FBXW8: variants seen among roughly 807,000 people sequenced by gnomAD.
FBXW8 encodes F-box/WD repeat-containing protein 8.
A neutral mutation model predicts 65.3 loss-of-function variants in FBXW8; 57 were observed. That is an observed-to-expected ratio of 0.87 (90% CI 0.71 to 1.09). The LOEUF is 1.09. Ranked by LOEUF, FBXW8 falls within the 50% of genes least tolerant of loss-of-function variation. The probability of loss-of-function intolerance (pLI) is 0.00; values close to 1 mark genes in which losing one functional copy is unlikely to be tolerated. For synonymous variants in FBXW8, 308 were observed against 330.2 expected, an observed-to-expected ratio of 0.93 and a Z score of 0.73; for missense variants, 777 against 814.8, an observed-to-expected ratio of 0.95 and a Z score of 0.57.
At chr12:116,927,892 C>G (rs1881450487) in intron 1 of FBXW8, 131 bp from the exon 2 acceptor site, 13 of 607,456 alleles carry the variant, frequency 2.1e-5, no homozygotes, top group Non-Finnish European at 2.9e-5. Flanking sequence ...ATGGATGCCT[C>G]CCTCCTGGGA....
At chr12:116,960,773 C>T (rs578148233) in intron 4 of FBXW8, among the ~76,000 whole-genome samples, 10 of 152,298 alleles carry the variant, frequency 6.6e-5, no homozygotes, top group Admixed American at 2.6e-4. Context: ...TATGGCACTG[C>T]GGTAGGGCCT....
intron 2 of FBXW8, among the ~76,000 whole-genome samples, chr12:116,942,746 G>A (rs985515417): frequency 7.6e-6 from 1 of 132,092 alleles, no homozygotes; most frequent in Non-Finnish European, 1.6e-5. Context: ...TTCAGTTCCT[G>A]TACTTTTTAA....
At chr12:116,949,735 C>G (rs1241448284) in intron 4 of FBXW8, 29 bp downstream of exon 4, 32 of 1,602,668 alleles carry the variant, frequency 2.0e-5, no homozygotes, top group Non-Finnish European at 2.7e-5. Flanking sequence ...ACTGAGTGCT[C>G]TGCATCTGAA....
At chr12:116,945,293 AT>A in intron 2 of FBXW8, 70 bp from the exon 3 acceptor site, 1 of 1,508,460 alleles carries the variant, frequency 6.6e-7, no homozygotes, top group Non-Finnish European at 9.0e-7. Context: ...ATAGGTGTTG[AT>A]TGATTTTTGG....
At chr12:117,000,015 G>T (rs921555120) in intron 7 of FBXW8, among the ~76,000 whole-genome samples, 1 of 131,694 alleles carries the variant, frequency 7.6e-6, no homozygotes, top group Non-Finnish European at 1.5e-5. Context: ...ACGGAGTCTC[G>T]CTGTCTCCCA....
chr12:116,939,685 C>T (rs945710513), intron 2 of FBXW8, among the ~76,000 whole-genome samples: 1 of 152,172 alleles, frequency 6.6e-6, no homozygotes, highest in Non-Finnish European at 1.5e-5. Flanking sequence ...AGTAAAGCTG[C>T]CCTGTGTTTC....
intron 7 of FBXW8, among the ~76,000 whole-genome samples, chr12:117,001,526 C>A (rs896778921): frequency 6.6e-6 from 1 of 152,128 alleles, no homozygotes; most frequent in Non-Finnish European, 1.5e-5. Flanking sequence ...CTCATGGTAA[C>A]CTTTTCATTT....
At chr12:116,913,630 T>C (rs1301183377) in intron 1 of FBXW8, among the ~76,000 whole-genome samples, 1 of 152,178 alleles carries the variant, frequency 6.6e-6, no homozygotes, top group Non-Finnish European at 1.5e-5. Flanking sequence ...CTGCTGCTGC[T>C]GCTACGAAGG....
chr12:117,028,378 C>G lies in FBXW8; in HGVS notation c.*206C>G. The G allele has an allele frequency of 3.2e-6, 2 of 630,250 alleles. No homozygotes were observed. Among genetic ancestry groups the G allele is most frequent in the East Asian group, 5.7e-5 (2 of 35,154 alleles). The allele number at this position is 630,250 out of a possible 1,614,324, so 39.0% of individuals were successfully genotyped here. A position where few individuals can be genotyped will look rare whatever the true frequency, so the allele number is the denominator to read the frequency against. Reference sequence around the variant, plus strand: ...GGCGTGTGCCAGGGCTCGAGTCCCACGTGCTGCCAACTCAAACATAGCCTC... The same window carrying G: ...GGCGTGTGCCAGGGCTCGAGTCCCAGGTGCTGCCAACTCAAACATAGCCTC... On this transcript the variant is annotated 3_prime_UTR_variant, in exon 11 of 11. Transcript: ENST00000652555. The surrounding 1 kb of genome is among the most constrained non-coding windows in gnomAD (Gnocchi z 4.1).
At chr12:116,970,704 C>T (rs940110854) in intron 5 of FBXW8, among the ~76,000 whole-genome samples, 2 of 152,198 alleles carry the variant, frequency 1.3e-5, no homozygotes, top group African/African-American at 2.4e-5. Context: ...ATGCAGTAAA[C>T]AACTACCCCC....
chr12:117,021,889 G>T (rs1954109007), intron 8 of FBXW8, among the ~76,000 whole-genome samples: 1 of 152,180 alleles, frequency 6.6e-6, no homozygotes, highest in Admixed American at 6.5e-5. Context: ...GTTGCTTTCG[G>T]CTTCCATGGA....
rs11068261 is a variant in FBXW8, at chr12:116,955,041, G to C, written c.677+5335G>C. On this transcript the variant is annotated intron_variant, in intron 4 of 10. Coordinates refer to ENST00000652555, the MANE Select transcript of FBXW8 (RefSeq NM_153348.3). ...TTGACTTTCCCCTCTTGAAATGGGGGGGGGGGGCCCTGTATTAAGCATCTG... is the reference window on the plus strand; with the variant it reads ...TTGACTTTCCCCTCTTGAAATGGGGCGGGGGGGCCCTGTATTAAGCATCTG... Among the ~76,000 whole-genome samples the C allele has an allele frequency of 1.2e-4, 18 of 151,320 alleles. No individual in the cohort carries two copies. In the South Asian group the frequency reaches 1.9e-3, roughly 16 times the overall value.
intron 6 of FBXW8, chr12:116,986,006 T>C (rs1317795488): frequency 2.6e-5 from 4 of 152,322 alleles, no homozygotes; most frequent in Non-Finnish European, 5.9e-5. Flanking sequence ...TACAGGAACC[T>C]CTAGATTTGT....
chr12:116,914,996 A>G (rs1880285864), intron 1 of FBXW8, among the ~76,000 whole-genome samples: 1 of 152,276 alleles, frequency 6.6e-6, no homozygotes, highest in African/African-American at 2.4e-5. Flanking sequence ...TAGAGACATT[A>G]TCGTCTTCAT....
chr12:116,962,047 AG>A (rs2137384054), intron 4 of FBXW8, among the ~76,000 whole-genome samples: 1 of 152,254 alleles, frequency 6.6e-6, no homozygotes, highest in African/African-American at 2.4e-5. Context: ...GCGGTGTTGA[AG>A]GGGCCCCTCT....
intron 1 of FBXW8, among the ~76,000 whole-genome samples, chr12:116,925,402 G>A (rs1881244266): frequency 6.6e-6 from 1 of 152,228 alleles, no homozygotes; most frequent in Non-Finnish European, 1.5e-5. Flanking sequence ...TCTATGGCAA[G>A]GACCATTGAT....
chr12:116,995,171 C>T (rs1321037307), intron 7 of FBXW8, among the ~76,000 whole-genome samples: 1 of 152,232 alleles, frequency 6.6e-6, no homozygotes, highest in Admixed American at 6.5e-5. Flanking sequence ...ACTGACAGCC[C>T]TATCCGGCCA....
At chr12:117,004,319 A>G (rs965977667) in intron 7 of FBXW8, among the ~76,000 whole-genome samples, 2 of 151,778 alleles carry the variant, frequency 1.3e-5, no homozygotes, top group Non-Finnish European at 2.9e-5. Flanking sequence ...TCTTTATTTG[A>G]TCTTGCCTGG....
intron 2 of FBXW8, 55 bp from the exon 3 acceptor site, chr12:116,945,309 C>T (rs1565907637): frequency 1.3e-6 from 2 of 1,563,382 alleles, no homozygotes. Context: ...TTTTGGATGA[C>T]AAGGGGCTTC....
Sources: allele counts gnomAD v4.1 joint callset (sites outside exome capture counted in the v4.1 genomes callset), GRCh38; gene constraint gnomAD v4.1.1; non-coding constraint Gnocchi (gnomAD v3.1); transcripts MANE v1.5; gene names NCBI Gene and HGNC (gene_info 2026-07-23, HGNC 2026-07-21).